DCC: variants seen among roughly 807,000 people sequenced by gnomAD.
DCC encodes the protein DCC netrin 1 receptor, also known as netrin receptor DCC.
Under a neutral mutation model 172.5 loss-of-function variants are expected in DCC, and 58 were observed. That is an observed-to-expected ratio of 0.34 (90% confidence interval 0.27 to 0.42). DCC has a LOEUF of 0.42. DCC is among the 10% of genes least tolerant of loss of function. The probability of loss-of-function intolerance (pLI) is 1.00; values close to 1 mark genes in which losing one functional copy is unlikely to be tolerated. For synonymous variants in DCC, 709 were observed against 644.5 expected (o/e 1.10, Z -1.52); for missense variants, 1,740 against 1,791.0 (o/e 0.97, Z 0.51).
intron 2 of DCC, among the ~76,000 whole-genome samples, chr18:52,884,011 TA>T (rs1279578034): frequency 6.6e-6 from 1 of 151,944 alleles, no homozygotes; most frequent in Non-Finnish European, 1.5e-5. Context: ...TTCAGCACTT[TA>T]AGTATATCAT....
chr18:53,258,004 T>C (rs2056543794), intron 12 of DCC, among the ~76,000 whole-genome samples: 2 of 152,208 alleles, frequency 1.3e-5, no homozygotes, highest in South Asian at 4.1e-4. Context: ...TGTGTAGAGG[T>C]CTTTATAGTA....
intron 1 of DCC, among the ~76,000 whole-genome samples, chr18:52,703,559 T>G (rs913649352): frequency 1.3e-5 from 2 of 152,106 alleles, no homozygotes; most frequent in African/African-American, 4.8e-5. Flanking sequence ...CAAGGCCAGA[T>G]TTGAACAGCG....
intron 7 of DCC, among the ~76,000 whole-genome samples, chr18:53,121,115 A>G (rs2043477652): frequency 1.3e-5 from 2 of 151,912 alleles, no homozygotes. Flanking sequence ...GATGCCATAA[A>G]GCCATCATCC....
In DCC at chr18:53,351,418, C is replaced by CAGTGTATATATATAT. The variant is rs1404641165; in HGVS notation, c.2359+11512_2359+11513insGTGTATATATATATA. The stretch of plus-strand genomic sequence containing the variant: ...TATACAGTGTATATATATATATATA[C>CAGTGTATATATATAT]ACACTGTGTATATATATATACAGTG... On this transcript the variant is annotated intron_variant, in intron 15 of 28. Coordinates refer to ENST00000442544, the MANE Select transcript of DCC (RefSeq NM_005215.4). Among the ~76,000 whole-genome samples, 25 of 19,278 alleles carry CAGTGTATATATATAT rather than the reference C, an allele frequency of 1.3e-3. 1 individual carries two copies. The highest frequency in any genetic ancestry group is 1.8e-3 in the Non-Finnish European group (21 of 11,612). The allele number at this position is 19,278 out of a possible 152,430, so 12.6% of individuals were successfully genotyped here.
At chr18:53,459,984 T>C (rs1199537407) in intron 24 of DCC, among the ~76,000 whole-genome samples, 1 of 147,998 alleles carries the variant, frequency 6.8e-6, no homozygotes, top group Non-Finnish European at 1.5e-5. Flanking sequence ...CCACATACAG[T>C]CACCTTATGT....
intron 7 of DCC, among the ~76,000 whole-genome samples, chr18:53,099,584 A>C (rs2043134294): frequency 1.3e-5 from 2 of 152,164 alleles, no homozygotes; most frequent in African/African-American, 4.8e-5. Flanking sequence ...AATGGGAATT[A>C]ACTTGCCCAG....
At chr18:53,114,260 C>A (rs2043378373) in intron 7 of DCC, among the ~76,000 whole-genome samples, 1 of 148,814 alleles carries the variant, frequency 6.7e-6, no homozygotes. Context: ...ACCCCCCCCA[C>A]CCCAAGTAAT....
chr18:53,046,708 T>A (rs1238937557), intron 5 of DCC, among the ~76,000 whole-genome samples: 1 of 151,946 alleles, frequency 6.6e-6, no homozygotes, highest in African/African-American at 2.4e-5. Flanking sequence ...AACTTCTCAA[T>A]TTACAAAGTA....
intron 1 of DCC, among the ~76,000 whole-genome samples, chr18:52,707,662 T>C (rs1225953971): frequency 6.6e-6 from 1 of 152,148 alleles, no homozygotes; most frequent in Non-Finnish European, 1.5e-5. Flanking sequence ...CTATACACAA[T>C]GGAAAATGAT....
At chr18:52,434,214 C>T (rs1357578650) in intron 1 of DCC, among the ~76,000 whole-genome samples, 1 of 152,138 alleles carries the variant, frequency 6.6e-6, no homozygotes, top group Non-Finnish European at 1.5e-5. Flanking sequence ...ATATACTTTA[C>T]ACCACTGGTG....
chr18:52,427,716 C>G (rs1987476476), intron 1 of DCC, among the ~76,000 whole-genome samples: 1 of 152,050 alleles, frequency 6.6e-6, no homozygotes, highest in African/African-American at 2.4e-5. Flanking sequence ...TCAGGGTGTG[C>G]AGGGTCCAAG....
chr18:52,520,507 G>A (rs558299914), intron 1 of DCC, among the ~76,000 whole-genome samples: 8 of 152,190 alleles, frequency 5.3e-5, no homozygotes. Context: ...AGGGTTTCCC[G>A]GAGATGTCCA....
At chr18:52,793,921 C>CT (rs1165784762) in intron 2 of DCC, among the ~76,000 whole-genome samples, 2 of 151,852 alleles carry the variant, frequency 1.3e-5, no homozygotes, top group African/African-American at 4.8e-5. Context: ...CTCTTTGTGC[C>CT]TTTTTTAAAA....
At chr18:52,765,884 A>G (rs1389525514) in intron 2 of DCC, among the ~76,000 whole-genome samples, 3 of 152,154 alleles carry the variant, frequency 2.0e-5, no homozygotes, top group African/African-American at 7.2e-5. Flanking sequence ...TCATGTATTA[A>G]TGGCTATGAG....
chr18:52,396,630 A>C (rs555469571), intron 1 of DCC, among the ~76,000 whole-genome samples: 2 of 152,084 alleles, frequency 1.3e-5, no homozygotes, highest in African/African-American at 4.8e-5. Context: ...CACTGGGATT[A>C]ACATTTAATC....
chr18:53,205,080 C>A (rs2055603329), intron 9 of DCC, 136 bp from the exon 10 acceptor site: 1 of 697,142 alleles, frequency 1.4e-6, no homozygotes. Context: ...TTTTTATATT[C>A]TTATTCCATA....
At chr18:53,065,741 T>A (rs901591102) in intron 6 of DCC, among the ~76,000 whole-genome samples, 4 of 152,336 alleles carry the variant, frequency 2.6e-5, no homozygotes, top group Admixed American at 6.5e-5. Flanking sequence ...GTTGCTTCTA[T>A]AATTAATAAA....
At chr18:53,336,591 T>C (rs1443002593) in intron 14 of DCC, among the ~76,000 whole-genome samples, 2 of 152,142 alleles carry the variant, frequency 1.3e-5, no homozygotes, top group Non-Finnish European at 1.5e-5. Flanking sequence ...TAGACTCACA[T>C]CGATAATTCC....
chr18:53,219,642 T>C (rs1195640649), intron 12 of DCC, among the ~76,000 whole-genome samples: 1 of 152,152 alleles, frequency 6.6e-6, no homozygotes, highest in Non-Finnish European at 1.5e-5. Flanking sequence ...AAGCTGGTAC[T>C]CAGTCACTCA....
Sources: gnomAD v4.1 joint callset for allele counts (sites outside exome capture counted in the v4.1 genomes callset) on GRCh38, gnomAD v4.1.1 for gene constraint, MANE v1.5 for transcripts, NCBI Gene and HGNC (gene_info 2026-07-23, HGNC 2026-07-21) for gene names.